Variants in SCAF8 observed in about 807,000 individuals in gnomAD.
The protein encoded by SCAF8 is SR-related CTD associated factor 8.
Under a neutral mutation model 140.5 loss-of-function variants are expected in SCAF8, and 23 were observed. The observed-to-expected ratio is 0.16, with a 90% CI of 0.12 to 0.23. SCAF8 has a LOEUF of 0.23. SCAF8 is among the 10% of genes least tolerant of loss of function. SCAF8 has a pLI of 1.00. For synonymous variants in SCAF8, 575 were observed against 528.9 expected, an observed-to-expected ratio of 1.09 and a Z score of -1.20; for missense variants, 1,397 against 1,555.7, an observed-to-expected ratio of 0.90 and a Z score of 1.72.
chr6:154,775,327 A>G (rs557623125), intron 2 of SCAF8, among the ~76,000 whole-genome samples: 3 of 152,202 alleles, frequency 2.0e-5, no homozygotes, highest in African/African-American at 7.2e-5. Context: ...TGATAGGCTC[A>G]TTGTGGAATA....
chr6:154,797,086 C>A (rs542470248), intron 6 of SCAF8, among the ~76,000 whole-genome samples: 3 of 151,802 alleles, frequency 2.0e-5, no homozygotes, highest in African/African-American at 7.2e-5. Context: ...TATTCACTTA[C>A]GCTACCTTTC....
chr6:154,735,254 C>T (rs1035534756), intron 1 of SCAF8, among the ~76,000 whole-genome samples: 6 of 151,968 alleles, frequency 3.9e-5, no homozygotes, highest in Non-Finnish European at 7.4e-5. Flanking sequence ...TTAATATTTA[C>T]CTCTTAAAAT....
In SCAF8 at chr6:154,750,434, T is replaced by C. The variant is rs146932579; in HGVS notation, c.30+16504T>C. 1.7e-3 allele frequency among the ~76,000 whole-genome samples: 251 copies of C among 152,016 alleles called. 1 individual carries two copies. Among genetic ancestry groups the C allele is most frequent in the African/African-American group, 5.6e-3 (231 of 41,466 alleles). ...CTAGAGGAAGATCTTGTAGAATCTT[T>C]TCATCCTCAGGTTTGTCCTCCCTCC... On this transcript the variant is annotated intron_variant, in intron 1 of 19. Coordinates refer to ENST00000367178, the MANE Select transcript of SCAF8 (RefSeq NM_014892.5).
intron 17 of SCAF8, among the ~76,000 whole-genome samples, 169 bp from the exon 18 acceptor site, chr6:154,827,003 A>G (rs1778585850): frequency 6.6e-6 from 1 of 152,200 alleles, no homozygotes; most frequent in African/African-American, 2.4e-5. Context: ...TTAGGGATCA[A>G]ATAAGGCAGC....
intron 1 of SCAF8, among the ~76,000 whole-genome samples, chr6:154,749,527 G>C (rs1388088211): frequency 6.6e-6 from 1 of 152,094 alleles, no homozygotes; most frequent in South Asian, 2.1e-4. Context: ...ATGATGAAAA[G>C]TAATATGAGG....
At chr6:154,831,885 A>G in intron 19 of SCAF8, 54 bp from the exon 20 acceptor site, 1 of 1,473,192 alleles carries the variant, frequency 6.8e-7, no homozygotes, top group Non-Finnish European at 9.1e-7. Flanking sequence ...AGCTAAAATT[A>G]TTGGAAACTT....
intron 17 of SCAF8, 24 bp from the exon 18 acceptor site, chr6:154,827,148 T>C: frequency 1.3e-6 from 2 of 1,583,176 alleles, no homozygotes; most frequent in South Asian, 2.4e-5. Flanking sequence ...TGTGCTATTT[T>C]TTGGGGTTTT....
At chr6:154,778,137 T>A (rs1422858449) in intron 3 of SCAF8, 92 bp downstream of exon 3, 4 of 684,508 alleles carry the variant, frequency 5.8e-6, no homozygotes, top group Admixed American at 3.2e-5. Context: ...TTAAATTGTT[T>A]TGATGGACTG....
At chr6:154,754,842 C>A (rs1778924248) in intron 1 of SCAF8, among the ~76,000 whole-genome samples, 1 of 151,936 alleles carries the variant, frequency 6.6e-6, no homozygotes, top group South Asian at 2.1e-4. Flanking sequence ...TTTTAATTTT[C>A]TCTTTTGGGA....
At chr6:154,770,402 T>A (rs916679468) in intron 1 of SCAF8, among the ~76,000 whole-genome samples, 1,927 of 57,526 alleles carry the variant, frequency 0.033, 10 homozygotes, top group East Asian at 0.24. Flanking sequence ...TCTCTCTCTC[T>A]CTCTCTCTCT....
intron 1 of SCAF8, among the ~76,000 whole-genome samples, chr6:154,743,177 C>T (rs986113372): frequency 2.0e-5 from 3 of 152,158 alleles, no homozygotes; most frequent in African/African-American, 7.2e-5. Context: ...AGCATTTTGC[C>T]TCTTAGAGTC....
chr6:154,772,902 G>A (rs1399865769), intron 1 of SCAF8, among the ~76,000 whole-genome samples: 1 of 152,040 alleles, frequency 6.6e-6, no homozygotes, highest in East Asian at 1.9e-4. Context: ...TGGGATTACA[G>A]GCGCCTGCCA....
intron 16 of SCAF8, among the ~76,000 whole-genome samples, chr6:154,823,357 G>A (rs980518278): frequency 3.9e-5 from 6 of 152,214 alleles, no homozygotes; most frequent in African/African-American, 1.4e-4. Flanking sequence ...TGAGCTTTGA[G>A]CAGGGAGACC....
chr6:154,793,759 G>A (rs1417858739), intron 5 of SCAF8, among the ~76,000 whole-genome samples: 2 of 143,000 alleles, frequency 1.4e-5, no homozygotes, highest in African/African-American at 5.3e-5. Flanking sequence ...AGGTTGCAGC[G>A]AGGCGAGATC....
At chr6:154,756,341 C>G (rs745837638) in intron 1 of SCAF8, among the ~76,000 whole-genome samples, 8 of 152,176 alleles carry the variant, frequency 5.3e-5, no homozygotes, top group Non-Finnish European at 1.0e-4. Flanking sequence ...TGTCAAAAAT[C>G]TCAGAAGGCT....
chr6:154,807,613 T>C (rs1234385503), intron 9 of SCAF8, among the ~76,000 whole-genome samples: 1 of 152,144 alleles, frequency 6.6e-6, no homozygotes, highest in Non-Finnish European at 1.5e-5. Context: ...ACTTCTCACC[T>C]CGTGATCCAC....
intron 7 of SCAF8, 35 bp from the exon 8 acceptor site, chr6:154,803,508 CT>C (rs1777828714): frequency 1.3e-6 from 2 of 1,489,236 alleles, no homozygotes; most frequent in African/African-American, 2.8e-5. Flanking sequence ...GTGTGAAGCA[CT>C]TTTTAATATG....
Position 154,808,807 on chromosome 6 carries a change from A to G in SCAF8, c.1226+9A>G, listed in dbSNP as rs182519259. The stretch of plus-strand genomic sequence containing the variant: ...TCACGATCTCGTTCAAGGTTCTACA[A>G]TGATATTTAATAATAGCCGTGTGTG... On this transcript the variant is annotated intron_variant, in intron 11 of 19. Coordinates refer to ENST00000367178, the MANE Select transcript of SCAF8 (RefSeq NM_014892.5). 3.1e-5 allele frequency: 48 copies of G among 1,555,868 alleles called. No homozygotes were observed. The highest frequency in any genetic ancestry group is 2.0e-4 in the South Asian group (18 of 89,618).
intron 6 of SCAF8, among the ~76,000 whole-genome samples, chr6:154,796,397 C>CTG (rs1777611163): frequency 7.1e-6 from 1 of 141,144 alleles, no homozygotes; most frequent in African/African-American, 2.7e-5. Context: ...CTCTCTGTCT[C>CTG]TCTCTTTTTC....
Sources: gnomAD v4.1 joint callset for allele counts (sites outside exome capture counted in the v4.1 genomes callset) on GRCh38, gnomAD v4.1.1 for gene constraint, MANE v1.5 for transcripts, NCBI Gene and HGNC (gene_info 2026-07-23, HGNC 2026-07-21) for gene names.